Variants in NDUFAF6 observed in about 807,000 individuals in gnomAD.
NDUFAF6 encodes the protein NADH:ubiquinone oxidoreductase complex assembly factor 6, also known as NADH dehydrogenase (ubiquinone) complex I, assembly factor 6.
NDUFAF6 carries 45 observed loss-of-function variants against 40.8 expected under a neutral mutation model. The ratio of observed to expected loss-of-function variants is 1.10; its 90% CI spans 0.87 to 1.42. NDUFAF6 has a LOEUF of 1.42. Ranked by LOEUF, NDUFAF6 falls within the 40% of genes most tolerant of loss-of-function variation. The probability of loss-of-function intolerance (pLI) is 0.00; values close to 1 mark genes in which losing one functional copy is unlikely to be tolerated. For missense variants in NDUFAF6, 435 were observed against 418.5 expected (o/e 1.04, Z -0.34); for synonymous variants, 185 against 155.9 (o/e 1.19, Z -1.39).
intron 1 of NDUFAF6, among the ~76,000 whole-genome samples, chr8:94,917,090 G>A (rs1819186925): frequency 7.7e-6 from 1 of 129,894 alleles, no homozygotes. Flanking sequence ...CAGCCTGGGT[G>A]ACAGAGCGAG....
intron 1 of NDUFAF6, 110 bp from the exon 2 acceptor site, chr8:95,031,885 G>A: frequency 9.7e-7 from 1 of 1,026,874 alleles, no homozygotes; most frequent in Non-Finnish European, 1.5e-6. Flanking sequence ...ACAGGCATGA[G>A]CTACCGCGCC....
chr8:95,036,335 C>A, intron 3 of NDUFAF6: 1 of 1,287,570 alleles, frequency 7.8e-7, no homozygotes, highest in Non-Finnish European at 1.0e-6. Context: ...TAACAGGAGC[C>A]ACCCACAGAC....
chr8:94,986,665 G>A (rs1825922263), intron 2 of NDUFAF6, among the ~76,000 whole-genome samples: 1 of 152,096 alleles, frequency 6.6e-6, no homozygotes, highest in African/African-American at 2.4e-5. Context: ...TTTCCTTAGG[G>A]TCCTCAAAGA....
chr8:95,082,381 C>T (rs1295864244), intron 2 of NDUFAF6, among the ~76,000 whole-genome samples: 1 of 151,978 alleles, frequency 6.6e-6, no homozygotes, highest in Non-Finnish European at 1.5e-5. Context: ...TGTGCTGCTG[C>T]TGTTGGGATG....
chr8:94,992,521 A>T (rs1826241244), intron 2 of NDUFAF6, among the ~76,000 whole-genome samples: 1 of 152,160 alleles, frequency 6.6e-6, no homozygotes, highest in Admixed American at 6.5e-5. Context: ...AAAAAAGTTT[A>T]CATATAGGTC....
intron 2 of NDUFAF6, among the ~76,000 whole-genome samples, chr8:95,082,821 G>T (rs546631596): frequency 6.6e-6 from 1 of 152,030 alleles, no homozygotes; most frequent in African/African-American, 2.4e-5. Context: ...CACTACGCCC[G>T]GCTAATTTTT....
At chr8:94,935,553 A>T (rs534117038) in intron 1 of NDUFAF6, among the ~76,000 whole-genome samples, 1 of 152,366 alleles carries the variant, frequency 6.6e-6, no homozygotes, top group South Asian at 2.1e-4. Flanking sequence ...TAATCAAGAT[A>T]ATGACTGACA....
chr8:94,974,827 G>A (rs754363944), intron 1 of NDUFAF6: 1 of 157,274 alleles, frequency 6.4e-6, no homozygotes, highest in Non-Finnish European at 1.4e-5. Flanking sequence ...CCCTTTCCCC[G>A]TATGCAGGAA....
At chr8:95,001,451 C>T (rs1826731247) in intron 2 of NDUFAF6, among the ~76,000 whole-genome samples, 1 of 152,098 alleles carries the variant, frequency 6.6e-6, no homozygotes, top group Non-Finnish European at 1.5e-5. Context: ...CCTTTGGTGC[C>T]TCAACTTGAC....
Position 95,047,088 on chromosome 8 carries a change from C to T in NDUFAF6, c.675C>T (p.Ser225=). 2 of 1,614,112 alleles carry T rather than the reference C, an allele frequency of 1.2e-6. No individual in the cohort carries two copies. Among genetic ancestry groups the T allele is most frequent in the Non-Finnish European group, 1.7e-6 (2 of 1,180,018 alleles). The change falls in exon 6 of 9, where the codon AGC becomes AGT. Residue 225 remains serine, a synonymous_variant. Coordinates refer to ENST00000396124, the MANE Select transcript of NDUFAF6 (RefSeq NM_152416.4). The part of the protein sequence containing the change: ...TCLRATPYHG[S]RRKVFLPMDI... ...TGAGAGCAACACCATATCATGGGAGCAGAAGAAAGGTGTTCCTTCCCATGG... is the reference window on the plus strand; with the variant it reads ...TGAGAGCAACACCATATCATGGGAGTAGAAGAAAGGTGTTCCTTCCCATGG...
exon 10 of NDUFAF6, chr8:95,075,871 C>A (rs748600258): frequency 4.8e-6 from 2 of 415,248 alleles, no homozygotes; most frequent in Non-Finnish European, 9.0e-6. Flanking sequence ...CTTTGACAAA[C>A]ACAGGTCGAT....
At chr8:94,949,936 G>C (rs946341364) in intron 2 of NDUFAF6, 3 of 152,372 alleles carry the variant, frequency 2.0e-5, no homozygotes, top group African/African-American at 7.2e-5. Flanking sequence ...CCCAGATAGA[G>C]GGGTAGAGGC....
intron 1 of NDUFAF6, among the ~76,000 whole-genome samples, chr8:94,937,637 C>A (rs1821119088): frequency 6.6e-6 from 1 of 152,066 alleles, no homozygotes; most frequent in Non-Finnish European, 1.5e-5. Context: ...CCCACATCAC[C>A]TCATTTTTTT....
At chr8:94,973,438 GT>G (rs1413948326) in intron 1 of NDUFAF6, among the ~76,000 whole-genome samples, 25 of 152,330 alleles carry the variant, frequency 1.6e-4, no homozygotes, top group African/African-American at 4.8e-4. Flanking sequence ...GCTGGGTGCG[GT>G]GGCTCACGCC....
intron 1 of NDUFAF6, among the ~76,000 whole-genome samples, chr8:94,941,354 T>G (rs576477540): frequency 4.6e-5 from 7 of 152,220 alleles, no homozygotes; most frequent in South Asian, 4.1e-4. Context: ...GCTTTTATAA[T>G]AAGGTGAATT....
At chr8:95,118,374 T>G (rs1185573656), downstream of NDUFAF6, among the ~76,000 whole-genome samples, 1 of 152,210 alleles carries the variant, frequency 6.6e-6, no homozygotes, top group African/African-American at 2.4e-5. Flanking sequence ...ACTCCTAACG[T>G]TGGTGCAATG....
At chr8:94,960,793 G>A (rs1044011640) in intron 1 of NDUFAF6, among the ~76,000 whole-genome samples, 2 of 152,200 alleles carry the variant, frequency 1.3e-5, no homozygotes, top group Non-Finnish European at 2.9e-5. Flanking sequence ...TATTCTGAAC[G>A]TCTGTGGTTT....
intron 1 of NDUFAF6, among the ~76,000 whole-genome samples, chr8:94,958,873 A>G (rs569908465): frequency 2.4e-4 from 37 of 152,310 alleles, no homozygotes; most frequent in Admixed American, 1.6e-3. Flanking sequence ...TGCGAGGCAC[A>G]CAATTCAGCC....
intron 2 of NDUFAF6, among the ~76,000 whole-genome samples, chr8:94,999,090 G>A (rs1013493272): frequency 3.3e-5 from 5 of 150,118 alleles, no homozygotes; most frequent in Non-Finnish European, 7.4e-5. Flanking sequence ...TTTATTAAAT[G>A]TACTCCGGTA....
Sources: gnomAD v4.1 joint callset for allele counts (sites outside exome capture counted in the v4.1 genomes callset) on GRCh38, gnomAD v4.1.1 for gene constraint, MANE v1.5 for transcripts, NCBI Gene and HGNC (gene_info 2026-07-23, HGNC 2026-07-21) for gene names.